Variants in OR1L8 observed in about 807,000 individuals in gnomAD.
OR1L8 encodes olfactory receptor 1L8.
For missense variants in OR1L8, 330 were observed against 377.4 expected, an observed-to-expected ratio of 0.87 and a Z score of 1.04; for synonymous variants, 148 against 147.0, an observed-to-expected ratio of 1.01 and a Z score of -0.05.
At chr9:122,573,577 T>C (rs532419488) in intron 3 of OR1L8, among the ~76,000 whole-genome samples, 48 of 152,296 alleles carry the variant, frequency 3.2e-4, no homozygotes, top group South Asian at 2.7e-3. Flanking sequence ...TTTGGCCCGT[T>C]TTTAATTGGG....
the OR1L8 span, among the ~76,000 whole-genome samples, chr9:122,555,058 TTTC>T: frequency 0.079 from 12,072 of 152,248 alleles, 674 homozygotes; most frequent in East Asian, 0.26. Context: ...AGGTTATCAA[TTTC>T]TTCTTTATAG....
chr9:122,557,208 A>G, the OR1L8 span, among the ~76,000 whole-genome samples: 1 of 152,092 alleles, frequency 6.6e-6, no homozygotes, highest in African/African-American at 2.4e-5. Context: ...CTGAATCTGT[A>G]TACTTTTCAT....
downstream of OR1L8, among the ~76,000 whole-genome samples, chr9:122,564,911 A>G (rs908245955): frequency 2.0e-5 from 3 of 152,232 alleles, no homozygotes; most frequent in African/African-American, 7.2e-5. Context: ...GTCCTTCCAC[A>G]AGATGCCACA....
At chr9:122,577,170 G>C (rs1275789448) in intron 2 of OR1L8, among the ~76,000 whole-genome samples, 4 of 152,080 alleles carry the variant, frequency 2.6e-5, no homozygotes, top group African/African-American at 9.7e-5. Context: ...TTGTTTCTAT[G>C]ACCTAGTCTT....
chr9:122,577,733 A>T (rs10985713), intron 2 of OR1L8, among the ~76,000 whole-genome samples: 31,750 of 152,170 alleles, frequency 0.21, 3,703 homozygotes, highest in Non-Finnish European at 0.26. Context: ...GTATTTATTT[A>T]AATATTTTTC....
At chr9:122,551,616 G>A in the OR1L8 span, among the ~76,000 whole-genome samples, 3 of 152,124 alleles carry the variant, frequency 2.0e-5, no homozygotes, top group Non-Finnish European at 4.4e-5. Context: ...ACACTGCATT[G>A]CCAGCAAGAG....
intron 1 of OR1L8, among the ~76,000 whole-genome samples, chr9:122,578,754 C>T (rs1386424338): frequency 1.3e-5 from 2 of 151,982 alleles, no homozygotes; most frequent in Non-Finnish European, 2.9e-5. Flanking sequence ...AGGAGCTGAG[C>T]TATGAGAACA....
chr9:122,557,956 A>C, the OR1L8 span, among the ~76,000 whole-genome samples: 1 of 151,954 alleles, frequency 6.6e-6, no homozygotes, highest in Non-Finnish European at 1.5e-5. Flanking sequence ...CTTTCCAAGA[A>C]TTGGTCCATT....
chr9:122,565,724 T>G (rs111778541), downstream of OR1L8, among the ~76,000 whole-genome samples: 1,475 of 152,348 alleles, frequency 9.7e-3, 26 homozygotes, highest in African/African-American at 0.034. Context: ...CTCCCCACCT[T>G]CACCTTCTAG....
the OR1L8 span, among the ~76,000 whole-genome samples, chr9:122,547,988 C>T: frequency 2.6e-5 from 4 of 152,188 alleles, no homozygotes; most frequent in Middle Eastern, 3.4e-3. Context: ...CCATTCTGAC[C>T]GGTGCAAGAT....
chr9:122,552,204 TG>T, the OR1L8 span, among the ~76,000 whole-genome samples: 1 of 151,954 alleles, frequency 6.6e-6, no homozygotes, highest in Non-Finnish European at 1.5e-5. Flanking sequence ...AAAGAACAAA[TG>T]GAGGACTAAA....
At chr9:122,553,888 G>C in the OR1L8 span, 9 of 1,613,972 alleles carry the variant, frequency 5.6e-6, no homozygotes, top group Non-Finnish European at 6.8e-6. Flanking sequence ...CGCATTTTCT[G>C]GGCTGTGTTT....
At chr9:122,566,153 C>G (rs1219178794), downstream of OR1L8, among the ~76,000 whole-genome samples, 1 of 152,182 alleles carries the variant, frequency 6.6e-6, no homozygotes, top group African/African-American at 2.4e-5. Flanking sequence ...ATGCTGCATC[C>G]TATCAAATTA....
chr9:122,574,268 T>C (rs942209260), intron 3 of OR1L8, among the ~76,000 whole-genome samples: 1 of 152,196 alleles, frequency 6.6e-6, no homozygotes. Context: ...TGATCGGTAT[T>C]GCATGGAATT....
intron 3 of OR1L8, among the ~76,000 whole-genome samples, chr9:122,575,023 C>A (rs1318569735): frequency 6.6e-6 from 1 of 151,960 alleles, no homozygotes; most frequent in Non-Finnish European, 1.5e-5. Context: ...AATGTTGAAC[C>A]AGGCTTGCAT....
At chr9:122,551,470 G>T in the OR1L8 span, among the ~76,000 whole-genome samples, 1 of 152,170 alleles carries the variant, frequency 6.6e-6, no homozygotes, top group Non-Finnish European at 1.5e-5. Context: ...GAAATCGCCA[G>T]CAGAAATAGT....
At chr9:122,558,090 C>T in the OR1L8 span, among the ~76,000 whole-genome samples, 83 of 151,700 alleles carry the variant, frequency 5.5e-4, no homozygotes, top group African/African-American at 1.8e-3. Context: ...CTTGTGTCTT[C>T]TTTCTTTTAT....
downstream of OR1L8, among the ~76,000 whole-genome samples, chr9:122,564,661 A>G (rs891125522): frequency 3.9e-5 from 6 of 152,210 alleles, no homozygotes; most frequent in East Asian, 3.9e-4. Context: ...AGTGACTCCA[A>G]TTGCAGCTGC....
Position 122,568,058 on chromosome 9 carries a change from G to C in OR1L8, c.420C>G (p.His140Gln). The C allele has an allele frequency of 6.2e-7, 1 of 1,614,022 alleles. No homozygotes were observed. The highest frequency in any genetic ancestry group is 8.5e-7 in the Non-Finnish European group (1 of 1,179,938). ...AGAAGGCCACCAGCAGGACACAGTG[G>C]TGGTGGCTCATGGTGGTGACATAGT... ...PFHYVTTMSH[H>Q]HCVLLVAFSC... Residue 140 changes from histidine (H) to glutamine (Q), a missense_variant, in exon 5 of 5, where the codon CAC becomes CAG. By Grantham distance (24) the His-to-Gln change is conservative. Coordinates refer to ENST00000641027, the MANE Select transcript of OR1L8 (RefSeq NM_001004454.2).
Sources: gnomAD v4.1 joint callset for allele counts (sites outside exome capture counted in the v4.1 genomes callset) on GRCh38, gnomAD v4.1.1 for gene constraint, MANE v1.5 for transcripts, NCBI Gene and HGNC (gene_info 2026-07-23, HGNC 2026-07-21) for gene names.